Variants in RIN2 observed in about 807,000 individuals in gnomAD.
RIN2 encodes Ras and Rab interactor 2.
A neutral mutation model predicts 78.0 loss-of-function variants in RIN2; 36 were observed. The observed-to-expected ratio is 0.46, with a 90% CI of 0.35 to 0.61. RIN2 has a LOEUF of 0.61. Among genes scored for constraint, RIN2 ranks in the 20% least tolerant of loss-of-function variants. The probability of loss-of-function intolerance (pLI) is 0.00; values close to 1 mark genes in which losing one functional copy is unlikely to be tolerated. For missense variants in RIN2, 1,087 were observed against 1,159.7 expected (o/e 0.94, Z 0.91); for synonymous variants, 466 against 466.8 (o/e 1.00, Z 0.02).
chr20:19,838,135 T>C (rs2036476091), intron 2 of RIN2, among the ~76,000 whole-genome samples: 1 of 152,230 alleles, frequency 6.6e-6, no homozygotes, highest in South Asian at 2.1e-4. Flanking sequence ...TCTTTTAACA[T>C]GAAGTAACTT....
rs151145636 is a variant in RIN2, at chr20:19,856,862, C to A, written c.-36-32704C>A. Among the ~76,000 whole-genome samples the A allele has an allele frequency of 8.1e-3, 1,238 of 152,134 alleles. 20 individuals carry two copies. Among genetic ancestry groups the A allele is most frequent in the African/African-American group, 0.028 (1,179 of 41,506 alleles). On this transcript the variant is annotated intron_variant, in intron 2 of 12. Coordinates refer to ENST00000255006, the MANE Select transcript of RIN2 (RefSeq NM_018993.4). Reference sequence around the variant, plus strand: ...ACTGATTCCAAATCTTGCAACGTGGCCAGTAGTAAAGAAACAAGATGAGAG... The same window carrying A: ...ACTGATTCCAAATCTTGCAACGTGGACAGTAGTAAAGAAACAAGATGAGAG...
In RIN2 at chr20:19,975,699, G is replaced by A; in HGVS notation, c.1674G>A (p.Arg558=). The A allele has an allele frequency of 6.2e-7, 1 of 1,613,592 alleles. No homozygotes were observed. Residue 558 remains arginine (R), a synonymous_variant, in exon 9 of 13, where the codon CGG becomes CGA. Transcript: ENST00000255006. The surrounding 1 kb of genome is among the most constrained non-coding windows in gnomAD (Gnocchi z 4.9). The part of the protein sequence containing the change: ...VSSTDMLQTI[R]QFMTQVKNYL... ...GCACCGACATGCTGCAGACCATCCG[G>A]CAGTTCATGACCCAGGTCAAGAACT...
At position 19,992,245 on chromosome 20, in the gene RIN2, A is replaced by C; in HGVS notation, c.2146A>C (p.Thr716Pro). Residue 716 changes from threonine (T) to proline (P), a missense_variant, in exon 11 of 13, where the codon ACT (threonine) becomes CCT (proline). Physicochemically the swap from Thr to Pro is conservative, Grantham distance 38 (BLOSUM62 -1). Around this residue, in one of 8 missense-constraint regions of RIN2, gnomAD observed 45 missense variants for 88.1 expected, o/e 0.51. Coordinates refer to ENST00000255006, the MANE Select transcript of RIN2 (RefSeq NM_018993.4). The stretch of plus-strand genomic sequence containing the variant: ...CCAGTGTGACATGCTTGAATTGGAC[A>C]CTGAAATCGAGTACATGATGGAGCT... ...IAQCDMLELD[T>P]EIEYMMELLD... The C allele has an allele frequency of 1.9e-6, 3 of 1,599,820 alleles. No individual in the cohort carries two copies. Among genetic ancestry groups the C allele is most frequent in the Non-Finnish European group, 2.6e-6 (3 of 1,172,598 alleles).
rs563558937 is a variant in RIN2, at chr20:19,990,095, G to A, written c.1852G>A (p.Asp618Asn). ...EAMLKDFHMA[D>N]GSWKQLKENL... Reference sequence around the variant, plus strand: ...CATGCTGAAGGACTTTCACATGGCCGATGGCTCATGGAAGCAACTCAAGGA... The same window carrying A: ...CATGCTGAAGGACTTTCACATGGCCAATGGCTCATGGAAGCAACTCAAGGA... Residue 618 changes from aspartate (D) to asparagine (N), a missense_variant, in exon 10 of 13, where the codon GAT becomes AAT. By Grantham distance (23) the Asp-to-Asn change is conservative (BLOSUM62 1). Coordinates refer to ENST00000255006, the MANE Select transcript of RIN2 (RefSeq NM_018993.4). The A allele has an allele frequency of 1.4e-5, 23 of 1,599,332 alleles. No individual in the cohort carries two copies. Among genetic ancestry groups the A allele is most frequent in the East Asian group, 1.4e-4 (6 of 44,310 alleles).
At chr20:19,883,971 A>AT (rs1265188128) in intron 2 of RIN2, among the ~76,000 whole-genome samples, 1 of 146,122 alleles carries the variant, frequency 6.8e-6, no homozygotes, top group African/African-American at 2.5e-5. Flanking sequence ...ATACTTTTTA[A>AT]TTTTTTTATG....
At chr20:19,778,240 C>G (rs1042738952) in intron 1 of RIN2, among the ~76,000 whole-genome samples, 5 of 152,210 alleles carry the variant, frequency 3.3e-5, no homozygotes, top group African/African-American at 1.2e-4. Flanking sequence ...GTTGCATGAA[C>G]ATTTACATAG....
intron 2 of RIN2, chr20:19,889,019 A>G: frequency 2.1e-5 from 12 of 558,838 alleles, no homozygotes; most frequent in Non-Finnish European, 2.7e-5. Context: ...ATCCCTGTAA[A>G]CAGTGACAGG....
intron 5 of RIN2, among the ~76,000 whole-genome samples, chr20:19,958,119 A>G (rs2146245172): frequency 6.6e-6 from 1 of 152,338 alleles, no homozygotes; most frequent in South Asian, 2.1e-4. Flanking sequence ...CTTTTTAAAA[A>G]ACATATGAAT....
Position 19,821,333 on chromosome 20 carries a change from C to T in RIN2, c.-37+21586C>T, listed in dbSNP as rs369943938. On this transcript the variant is annotated intron_variant, in intron 2 of 12. Transcript: ENST00000255006. ...ATCCACTCAAGTTTCCTAAGAGAAA[C>T]TCAAATCCTGTATCCCATAAATAGA... is the stretch of plus-strand genomic sequence containing the variant. Among the ~76,000 whole-genome samples the T allele has an allele frequency of 5.3e-5, 8 of 152,150 alleles. No homozygotes were observed. The East Asian group carries it at 1.2e-3, about 22-fold the overall frequency.
At chr20:19,997,826 G>A (rs544546259) in intron 12 of RIN2, among the ~76,000 whole-genome samples, 2 of 152,288 alleles carry the variant, frequency 1.3e-5, no homozygotes, top group African/African-American at 2.4e-5. Flanking sequence ...GAAATAATGA[G>A]TGAGTTGGCA....
chr20:19,909,193 G>T (rs966875338), intron 3 of RIN2, among the ~76,000 whole-genome samples: 1 of 151,992 alleles, frequency 6.6e-6, no homozygotes, highest in Non-Finnish European at 1.5e-5. Flanking sequence ...GTAACCCACT[G>T]AGGCCCATAA....
chr20:19,995,168 T>C (rs1281654820), intron 11 of RIN2, among the ~76,000 whole-genome samples: 1 of 151,342 alleles, frequency 6.6e-6, no homozygotes, highest in Non-Finnish European at 1.5e-5. Context: ...CTAAATACTT[T>C]GGCCCTAAAG....
intron 2 of RIN2, among the ~76,000 whole-genome samples, chr20:19,876,267 A>G (rs2037851610): frequency 6.6e-6 from 1 of 152,214 alleles, no homozygotes; most frequent in Non-Finnish European, 1.5e-5. Flanking sequence ...AGCTCTGCCA[A>G]CTGAAAGATC....
intron 3 of RIN2, 139 bp from the exon 4 acceptor site, chr20:19,934,960 C>T: frequency 3.3e-6 from 2 of 614,212 alleles, no homozygotes; most frequent in East Asian, 2.9e-5. Flanking sequence ...ATTCACAGAG[C>T]CAAGATTAAA....
At chr20:19,761,680 G>A (rs957320597) in intron 1 of RIN2, among the ~76,000 whole-genome samples, 1 of 152,182 alleles carries the variant, frequency 6.6e-6, no homozygotes, top group Non-Finnish European at 1.5e-5. Flanking sequence ...CTGGACACTA[G>A]AAAAGCATAA....
chr20:19,860,100 C>A (rs992782258), intron 2 of RIN2, among the ~76,000 whole-genome samples: 1 of 152,206 alleles, frequency 6.6e-6, no homozygotes, highest in Admixed American at 6.5e-5. Flanking sequence ...CAACTCCTGC[C>A]AGGCATTGGC....
At chr20:19,938,190 C>T (rs1052454581) in intron 4 of RIN2, among the ~76,000 whole-genome samples, 5 of 152,114 alleles carry the variant, frequency 3.3e-5, no homozygotes, top group Middle Eastern at 3.4e-3. Context: ...ACACTTTGAT[C>T]CCCTCCTTTT....
intron 9 of RIN2, among the ~76,000 whole-genome samples, chr20:19,976,752 G>A (rs1300585728): frequency 6.6e-6 from 1 of 152,180 alleles, no homozygotes; most frequent in Admixed American, 6.5e-5. Context: ...CGGTTCAGAA[G>A]CTACACCCCA....
chr20:19,943,597 G>A (rs576687914), intron 4 of RIN2, among the ~76,000 whole-genome samples: 3 of 152,140 alleles, frequency 2.0e-5, no homozygotes, highest in Non-Finnish European at 4.4e-5. Context: ...AAGGCCTTGA[G>A]GAATTAAGTA....
Sources: allele counts gnomAD v4.1 joint callset (sites outside exome capture counted in the v4.1 genomes callset), GRCh38; gene constraint gnomAD v4.1.1; regional missense constraint gnomAD v4.1.1; non-coding constraint Gnocchi (gnomAD v3.1); transcripts MANE v1.5; gene names NCBI Gene and HGNC (gene_info 2026-07-23, HGNC 2026-07-21).